Variants in SYNPR observed in about 807,000 individuals in gnomAD.
SYNPR encodes the protein synaptoporin.
A neutral mutation model predicts 32.9 loss-of-function variants in SYNPR; 23 were observed. That is an observed-to-expected ratio of 0.70 (90% CI 0.50 to 0.99). SYNPR has a LOEUF of 0.99. Ranked by LOEUF, SYNPR falls within the 50% of genes least tolerant of loss-of-function variation. The pLI is 0.00. For missense variants in SYNPR, 318 were observed against 349.3 expected, an observed-to-expected ratio of 0.91 and a Z score of 0.71; for synonymous variants, 146 against 135.9, an observed-to-expected ratio of 1.07 and a Z score of -0.52.
At chr3:63,497,824 G>A (rs941236861) in intron 3 of SYNPR, among the ~76,000 whole-genome samples, 2 of 152,178 alleles carry the variant, frequency 1.3e-5, no homozygotes, top group Non-Finnish European at 1.5e-5. Context: ...AAATGAAAAT[G>A]TAATGTGAAT....
At chr3:63,273,360 A>G (rs554726248), upstream of SYNPR, among the ~76,000 whole-genome samples, 12 of 152,202 alleles carry the variant, frequency 7.9e-5, no homozygotes, top group Non-Finnish European at 1.6e-4. Context: ...TCTCATCTGC[A>G]TAATGGAAGT....
chr3:63,286,805 A>T (rs545500869), intron 2 of SYNPR, among the ~76,000 whole-genome samples: 1 of 152,312 alleles, frequency 6.6e-6, no homozygotes, highest in African/African-American at 2.4e-5. Context: ...TCTCCTGCCT[A>T]TAGTGTTGAA....
rs78814248 is a variant in SYNPR, at chr3:63,602,465, G to T, written c.409-6660G>T. Among the ~76,000 whole-genome samples the T allele has an allele frequency of 2.6e-3, 388 of 152,150 alleles. 17 individuals carry two copies. In the East Asian group the frequency reaches 0.069, roughly 27 times the overall value. ...TGCATTTCCTAGGTTATCTTCTAGGGTTTTTATAGTTTTGGGTTTAAATTT... is the reference window on the plus strand; with the variant it reads ...TGCATTTCCTAGGTTATCTTCTAGGTTTTTTATAGTTTTGGGTTTAAATTT... On this transcript the variant is annotated intron_variant, in intron 4 of 5. Coordinates refer to ENST00000478300, the MANE Select transcript of SYNPR (RefSeq NM_001130003.2).
intron 4 of SYNPR, among the ~76,000 whole-genome samples, chr3:63,592,723 T>C (rs1281561266): frequency 6.6e-6 from 1 of 151,998 alleles, no homozygotes; most frequent in Non-Finnish European, 1.5e-5. Flanking sequence ...AATAAATGAG[T>C]AAACCCACCT....
intron 3 of SYNPR, among the ~76,000 whole-genome samples, chr3:63,549,736 A>T (rs1702469101): frequency 6.6e-6 from 1 of 152,240 alleles, no homozygotes; most frequent in Admixed American, 6.5e-5. Context: ...TACAAACGTA[A>T]CTAAAAACTA....
At chr3:63,225,189 A>C (rs184376571), upstream of SYNPR, among the ~76,000 whole-genome samples, 5 of 152,190 alleles carry the variant, frequency 3.3e-5, no homozygotes, top group African/African-American at 1.2e-4. Context: ...GGAAGCAGGG[A>C]CTTAATGTAT....
intron 2 of SYNPR, among the ~76,000 whole-genome samples, chr3:63,438,911 C>T (rs1700126921): frequency 6.6e-6 from 1 of 152,196 alleles, no homozygotes; most frequent in Non-Finnish European, 1.5e-5. Flanking sequence ...CTTTGATTGC[C>T]TCCTTTCTCC....
intron 2 of SYNPR, among the ~76,000 whole-genome samples, chr3:63,334,703 G>C (rs571613595): frequency 1.3e-5 from 2 of 152,176 alleles, no homozygotes; most frequent in Non-Finnish European, 2.9e-5. Context: ...TGGGTACATT[G>C]GCGATTGATA....
chr3:63,280,472 TA>T (rs2086617921), intron 2 of SYNPR, among the ~76,000 whole-genome samples: 1 of 152,006 alleles, frequency 6.6e-6, no homozygotes, highest in Admixed American at 6.6e-5. Flanking sequence ...GTGCCCTTGC[TA>T]TTTCTATTCA....
chr3:63,432,783 G>A (rs531293925), intron 2 of SYNPR, among the ~76,000 whole-genome samples: 3 of 152,304 alleles, frequency 2.0e-5, no homozygotes, highest in African/African-American at 7.2e-5. Flanking sequence ...CTCAGAGCTT[G>A]TGTTGAACAT....
intron 1 of SYNPR, among the ~76,000 whole-genome samples, chr3:63,237,149 G>A (rs189486703): frequency 4.7e-4 from 71 of 152,038 alleles, no homozygotes; most frequent in Non-Finnish European, 2.9e-5. Context: ...CAATTCATAC[G>A]ATCATGATTT....
intron 2 of SYNPR, among the ~76,000 whole-genome samples, chr3:63,394,556 G>A (rs9829169): frequency 0.12 from 18,896 of 151,960 alleles, 1,381 homozygotes; most frequent in East Asian, 0.21. Flanking sequence ...CTTCAAAATG[G>A]CAAAATCTGT....
rs537406216 is a variant in SYNPR at position 63,425,877 on chromosome 3, G to T, written c.85-54955G>T. On this transcript the variant is annotated intron_variant, in intron 2 of 5. Coordinates refer to ENST00000478300, the MANE Select transcript of SYNPR (RefSeq NM_001130003.2). ...GGCTCACTGCAACCTCCGCCTCCCA[G>T]GTTCAAGTAATTCTCCTGCCTCAGC... 3.3e-5 allele frequency among the ~76,000 whole-genome samples: 5 copies of T among 151,512 alleles called. No individual in the cohort carries two copies. In the South Asian group the frequency reaches 1.0e-3, roughly 32 times the overall value.
chr3:63,234,001 A>G (rs1442357929), intron 1 of SYNPR, among the ~76,000 whole-genome samples: 2 of 152,230 alleles, frequency 1.3e-5, no homozygotes, highest in African/African-American at 2.4e-5. Flanking sequence ...TCTGGAGCAC[A>G]TACATTAGGT....
chr3:63,326,760 C>T (rs963381660), intron 2 of SYNPR, among the ~76,000 whole-genome samples: 1 of 152,126 alleles, frequency 6.6e-6, no homozygotes, highest in Admixed American at 6.6e-5. Context: ...TTGCTGGTAA[C>T]TTTGAAATCT....
intron 3 of SYNPR, among the ~76,000 whole-genome samples, chr3:63,520,866 C>T (rs1328500244): frequency 1.3e-5 from 2 of 152,182 alleles, no homozygotes; most frequent in African/African-American, 2.4e-5. Flanking sequence ...GTAAAATTCA[C>T]AGGCTCTAGG....
chr3:63,231,912 A>T (rs1208516821), intron 1 of SYNPR, among the ~76,000 whole-genome samples: 3 of 152,182 alleles, frequency 2.0e-5, no homozygotes, highest in Non-Finnish European at 2.9e-5. Context: ...CCTTATTTTA[A>T]CAAGATCAGT....
chr3:63,433,625 G>A (rs1559498177), intron 2 of SYNPR, among the ~76,000 whole-genome samples: 1 of 152,162 alleles, frequency 6.6e-6, no homozygotes, highest in Non-Finnish European at 1.5e-5. Flanking sequence ...ACTTTCGCAT[G>A]AGCTGCTTCG....
At chr3:63,451,405 CTTA>C (rs1460355499) in intron 2 of SYNPR, among the ~76,000 whole-genome samples, 2 of 152,066 alleles carry the variant, frequency 1.3e-5, no homozygotes, top group African/African-American at 2.4e-5. Context: ...AGATTTATGC[CTTA>C]TTATAAATTG....
Sources: gnomAD v4.1 joint callset for allele counts (sites outside exome capture counted in the v4.1 genomes callset) on GRCh38, gnomAD v4.1.1 for gene constraint, MANE v1.5 for transcripts, NCBI Gene and HGNC (gene_info 2026-07-23, HGNC 2026-07-21) for gene names.